Variants in COX7B2 observed in about 807,000 individuals in gnomAD.
COX7B2 encodes the protein cytochrome c oxidase subunit 7B2, mitochondrial.
For missense variants in COX7B2, 109 were observed against 95.9 expected (o/e 1.14, Z -0.57); for synonymous variants, 37 against 32.1 (o/e 1.15, Z -0.51).
chr4:46,826,626 A>G (rs1163943983), intron 2 of COX7B2, among the ~76,000 whole-genome samples: 1 of 152,212 alleles, frequency 6.6e-6, no homozygotes, highest in Non-Finnish European at 1.5e-5. Flanking sequence ...CCCATCAATG[A>G]CAGATTGGAT....
intron 2 of COX7B2, among the ~76,000 whole-genome samples, chr4:46,792,545 C>T (rs1037389815): frequency 6.6e-6 from 1 of 152,148 alleles, no homozygotes; most frequent in African/African-American, 2.4e-5. Context: ...TCTCCTGCCC[C>T]GGGACTGAGG....
intron 2 of COX7B2, among the ~76,000 whole-genome samples, chr4:46,793,116 A>C (rs1215042093): frequency 6.6e-6 from 1 of 152,204 alleles, no homozygotes; most frequent in Non-Finnish European, 1.5e-5. Context: ...TCTCTTGTAG[A>C]CTAAGAGTAT....
chr4:46,897,262 T>C (rs1272834902), intron 1 of COX7B2, among the ~76,000 whole-genome samples: 1 of 152,108 alleles, frequency 6.6e-6, no homozygotes, highest in Non-Finnish European at 1.5e-5. Flanking sequence ...AGGTTCCAAC[T>C]CCTTTCTCCC....
chr4:46,768,237 G>A (rs570899547), intron 2 of COX7B2, among the ~76,000 whole-genome samples: 6 of 152,330 alleles, frequency 3.9e-5, no homozygotes, highest in South Asian at 4.1e-4. Flanking sequence ...TTTACTGAGC[G>A]ATGGAAGTGG....
chr4:46,872,070 C>G (rs960344797), intron 1 of COX7B2, among the ~76,000 whole-genome samples: 4 of 152,136 alleles, frequency 2.6e-5, no homozygotes, highest in African/African-American at 9.7e-5. Context: ...TGGAATCAAT[C>G]TAAATGGCCA....
chr4:46,833,533 A>G (rs1715306887), intron 2 of COX7B2, among the ~76,000 whole-genome samples: 1 of 152,182 alleles, frequency 6.6e-6, no homozygotes, highest in Admixed American at 6.5e-5. Flanking sequence ...TTGATGTAAG[A>G]TTCAAAAGGG....
At chr4:46,795,824 A>T (rs1485960910) in intron 2 of COX7B2, among the ~76,000 whole-genome samples, 2 of 17,448 alleles carry the variant, frequency 1.1e-4, no homozygotes, top group South Asian at 3.1e-3. Flanking sequence ...GATTCTTCCT[A>T]CCCATGAGCA....
chr4:46,846,574 A>C (rs1291296006), intron 1 of COX7B2, among the ~76,000 whole-genome samples: 1 of 151,974 alleles, frequency 6.6e-6, no homozygotes, highest in Non-Finnish European at 1.5e-5. Flanking sequence ...GTAAAAGGGA[A>C]CAGTGAGTTG....
In COX7B2 at chr4:46,832,114, GCT is replaced by G. The variant is rs537059701; in HGVS notation, c.-50+12844_-50+12845del. The stretch of plus-strand genomic sequence containing the variant: ...CTGCCCCAGCCAGCAGTGGCAACCT[GCT>G]CGGGTCCCCTTCCACACCGTGGAAG... On this transcript the variant is annotated intron_variant, in intron 2 of 2. Transcript: ENST00000355591. Among the ~76,000 whole-genome samples, 934 of 152,300 alleles carry G rather than the reference GCT, an allele frequency of 6.1e-3. 7 individuals carry two copies. The highest frequency in any genetic ancestry group is 0.01 in the Middle Eastern group (3 of 294).
intron 2 of COX7B2, among the ~76,000 whole-genome samples, chr4:46,737,418 C>G (rs1360805900): frequency 6.6e-6 from 1 of 152,070 alleles, no homozygotes; most frequent in Non-Finnish European, 1.5e-5. Context: ...AAGGAATTAT[C>G]TTTTTATTCT....
chr4:46,832,061 TG>T (rs1715158974), intron 2 of COX7B2, among the ~76,000 whole-genome samples: 2 of 152,216 alleles, frequency 1.3e-5, no homozygotes, highest in South Asian at 4.2e-4. Context: ...AGGATGTGGG[TG>T]GGGCCAGATA....
chr4:46,801,296 C>T (rs1718643148), intron 2 of COX7B2, among the ~76,000 whole-genome samples: 2 of 152,092 alleles, frequency 1.3e-5, no homozygotes, highest in African/African-American at 2.4e-5. Context: ...ATGTTTATCA[C>T]GGCCCTACTT....
intron 2 of COX7B2, among the ~76,000 whole-genome samples, chr4:46,735,480 G>A (rs143419717): frequency 1.7e-4 from 26 of 152,178 alleles, no homozygotes; most frequent in African/African-American, 5.1e-4. Flanking sequence ...ACAACAACAA[G>A]GTAAGCATGT....
intron 1 of COX7B2, among the ~76,000 whole-genome samples, chr4:46,894,347 T>C (rs1408280796): frequency 6.6e-6 from 1 of 151,964 alleles, no homozygotes; most frequent in Non-Finnish European, 1.5e-5. Context: ...CCACCTACAA[T>C]CATTTGATCT....
chr4:46,896,498 T>C (rs1719771007), intron 1 of COX7B2, among the ~76,000 whole-genome samples: 1 of 152,112 alleles, frequency 6.6e-6, no homozygotes, highest in African/African-American at 2.4e-5. Context: ...ACTGTTAAAA[T>C]AGGAATATAG....
chr4:46,887,676 ACT>A (rs1418344422), intron 1 of COX7B2, among the ~76,000 whole-genome samples: 3 of 144,182 alleles, frequency 2.1e-5, no homozygotes, highest in Non-Finnish European at 3.0e-5. Flanking sequence ...GTGCAACTGC[ACT>A]CCAGCCTGGG....
intron 1 of COX7B2, among the ~76,000 whole-genome samples, chr4:46,863,531 G>C (rs1235374379): frequency 1.3e-5 from 2 of 152,158 alleles, no homozygotes; most frequent in African/African-American, 2.4e-5. Flanking sequence ...TTAAGATATT[G>C]ATTTGCTCTT....
At chr4:46,859,869 TACAGCTAGTCA>T (rs1484084448) in intron 1 of COX7B2, among the ~76,000 whole-genome samples, 1 of 152,178 alleles carries the variant, frequency 6.6e-6, no homozygotes, top group African/African-American at 2.4e-5. Flanking sequence ...TGGGTACAAA[TACAGCTAGTCA>T]ACAGCCTGTA....
At chr4:46,845,294 C>T (rs1487567190) in intron 1 of COX7B2, among the ~76,000 whole-genome samples, 1 of 151,854 alleles carries the variant, frequency 6.6e-6, no homozygotes, top group Non-Finnish European at 1.5e-5. Context: ...AGATAACTCT[C>T]TTTTTTATAC....
Sources: gnomAD v4.1 joint callset for allele counts (sites outside exome capture counted in the v4.1 genomes callset) on GRCh38, gnomAD v4.1.1 for gene constraint, MANE v1.5 for transcripts, NCBI Gene and HGNC (gene_info 2026-07-23, HGNC 2026-07-21) for gene names.